MAP7: variants seen among roughly 807,000 people sequenced by gnomAD.
The protein encoded by MAP7 is ensconsin.
A neutral mutation model predicts 94.8 loss-of-function variants in MAP7; 52 were observed. The observed-to-expected ratio is 0.55, with a 90% confidence interval of 0.44 to 0.69. The LOEUF (loss-of-function observed/expected upper bound fraction) is 0.69. MAP7 is among the 30% of genes least tolerant of loss of function. The pLI is 0.00. For synonymous variants in MAP7, 350 were observed against 357.0 expected (o/e 0.98, Z 0.22); for missense variants, 940 against 964.6 (o/e 0.97, Z 0.34).
At chr6:136,417,260 C>T (rs946216596) in intron 2 of MAP7, among the ~76,000 whole-genome samples, 1 of 152,214 alleles carries the variant, frequency 6.6e-6, no homozygotes, top group Admixed American at 6.5e-5. Flanking sequence ...TGCAGTTGCA[C>T]TCCACATTCA....
intron 1 of MAP7, among the ~76,000 whole-genome samples, chr6:136,538,370 G>A (rs1829045262): frequency 1.3e-5 from 2 of 152,212 alleles, no homozygotes; most frequent in Non-Finnish European, 2.9e-5. Context: ...TCCTGGTAGA[G>A]AAGCATATTC....
rs182802392 is a variant in MAP7, at chr6:136,375,372, G to A, written c.751+2383C>T. On this transcript the variant is annotated intron_variant, in intron 7 of 17. Transcript: ENST00000354570. ...CTGGGAGTTCCAGTTCTCAACTACT[G>A]TATTGTTTGTGCAGGGAGTTTGCAA... Among the ~76,000 whole-genome samples, 3 of 152,308 alleles carry A rather than the reference G, an allele frequency of 2.0e-5. No homozygotes were observed. The East Asian group carries it at 5.8e-4, about 29-fold the overall frequency.
At chr6:136,519,261 C>T (rs1825723913) in intron 1 of MAP7, among the ~76,000 whole-genome samples, 1 of 152,128 alleles carries the variant, frequency 6.6e-6, no homozygotes. Context: ...AATTTGACCT[C>T]AAGATTTCCT....
At chr6:136,360,535 A>G (rs9389383) in intron 13 of MAP7, among the ~76,000 whole-genome samples, 162 bp downstream of exon 13, 7,275 of 151,898 alleles carry the variant, frequency 0.048, 353 homozygotes, top group African/African-American at 0.12. Context: ...GGTGACGGCT[A>G]AAACACCGAG....
At position 136,466,833 on chromosome 6, in the gene MAP7, T is replaced by C. The variant is rs147326783; in HGVS notation, c.68-45034A>G. 9.8e-6 allele frequency: 15 copies of C among 1,533,362 alleles called. No individual in the cohort carries two copies. In the African/African-American group the frequency reaches 1.4e-4, roughly 14 times the overall value. The allele number at this position is 1,533,362 out of a possible 1,614,324, so 95.0% of individuals were successfully genotyped here. ...CCTGCAACATATCTGCATGTCTCCC[T>C]CTTCTTGCTTTGTGTCCCTCAGCCA... On this transcript the variant is annotated intron_variant, in intron 1 of 17. Transcript: ENST00000354570.
intron 1 of MAP7, among the ~76,000 whole-genome samples, chr6:136,518,085 G>A (rs1042943058): frequency 6.6e-5 from 10 of 152,118 alleles, no homozygotes; most frequent in Non-Finnish European, 1.2e-4. Flanking sequence ...GTATGGAGGT[G>A]GCTCGAGCCT....
intron 3 of MAP7, among the ~76,000 whole-genome samples, chr6:136,400,156 C>T (rs1783656238): frequency 6.6e-6 from 1 of 152,092 alleles, no homozygotes; most frequent in Non-Finnish European, 1.5e-5. Context: ...GTGGCTCACG[C>T]CTGTAATCCC....
At chr6:136,531,907 G>A (rs1350563950) in intron 1 of MAP7, among the ~76,000 whole-genome samples, 1 of 151,962 alleles carries the variant, frequency 6.6e-6, no homozygotes, top group Non-Finnish European at 1.5e-5. Context: ...TATATCCATA[G>A]AAAAAAGAAA....
chr6:136,488,855 A>G (rs2128984471), intron 1 of MAP7, among the ~76,000 whole-genome samples: 1 of 152,258 alleles, frequency 6.6e-6, no homozygotes, highest in African/African-American at 2.4e-5. Flanking sequence ...GCATAATCTC[A>G]ATCCCCAAAC....
intron 1 of MAP7, among the ~76,000 whole-genome samples, chr6:136,424,567 A>G (rs371664920): frequency 8.5e-5 from 13 of 152,206 alleles, no homozygotes; most frequent in East Asian, 3.9e-4. Context: ...TGGAGCCTTC[A>G]TCTAGTGAAA....
At chr6:136,457,099 T>A (rs990276949) in intron 1 of MAP7, among the ~76,000 whole-genome samples, 21 of 141,040 alleles carry the variant, frequency 1.5e-4, no homozygotes, top group East Asian at 2.1e-4. Flanking sequence ...AAATCAGAGA[T>A]GAAACAGGAG....
chr6:136,353,633 A>C (rs1311030197), intron 16 of MAP7, among the ~76,000 whole-genome samples: 6 of 152,154 alleles, frequency 3.9e-5, no homozygotes, highest in Non-Finnish European at 8.8e-5. Flanking sequence ...GGCTCACTGC[A>C]GCTTTGACCT....
chr6:136,394,931 C>CATAT (rs144839767), intron 3 of MAP7, among the ~76,000 whole-genome samples: 3,346 of 27,054 alleles, frequency 0.12, 586 homozygotes, highest in Non-Finnish European at 0.16. Context: ...AATATTCCAT[C>CATAT]ATATATATAT....
intron 13 of MAP7, among the ~76,000 whole-genome samples, 177 bp from the exon 14 acceptor site, chr6:136,360,208 G>A (rs975385015): frequency 2.7e-4 from 40 of 149,922 alleles, no homozygotes; most frequent in Admixed American, 2.3e-3. Flanking sequence ...CTGGAGTGCC[G>A]TGTGGCAAGC....
chr6:136,345,333 C>T (rs1002863745), intron 17 of MAP7, among the ~76,000 whole-genome samples: 2 of 152,138 alleles, frequency 1.3e-5, no homozygotes, highest in African/African-American at 2.4e-5. Flanking sequence ...TCACCTAAAT[C>T]GTAACTATCC....
At chr6:136,510,599 T>C (rs1435808849) in intron 1 of MAP7, among the ~76,000 whole-genome samples, 3 of 152,152 alleles carry the variant, frequency 2.0e-5, no homozygotes, top group African/African-American at 7.2e-5. Flanking sequence ...TCCACCCTCA[T>C]CGCTGGTTTT....
chr6:136,360,368 A>G (rs559546853), intron 13 of MAP7, among the ~76,000 whole-genome samples: 2 of 151,916 alleles, frequency 1.3e-5, no homozygotes, highest in Admixed American at 1.3e-4. Flanking sequence ...CTGGTCTCGA[A>G]CTCCTGACTT....
intron 16 of MAP7, among the ~76,000 whole-genome samples, chr6:136,353,974 G>A (rs1042191895): frequency 1.3e-5 from 2 of 151,802 alleles, no homozygotes; most frequent in Non-Finnish European, 2.9e-5. Context: ...TGTGGGGGAA[G>A]GTTGAAAGTA....
chr6:136,531,753 C>A (rs1216870756), intron 1 of MAP7, among the ~76,000 whole-genome samples: 1 of 121,984 alleles, frequency 8.2e-6, no homozygotes. Flanking sequence ...AACAGACACC[C>A]CTCTAGCAGT....
Sources: allele counts gnomAD v4.1 joint callset (sites outside exome capture counted in the v4.1 genomes callset), GRCh38; gene constraint gnomAD v4.1.1; transcripts MANE v1.5; gene names NCBI Gene and HGNC (gene_info 2026-07-23, HGNC 2026-07-21).